LRRC3B: variants seen among roughly 807,000 people sequenced by gnomAD.
LRRC3B encodes the protein leucine rich repeat containing 3B.
Under a neutral mutation model 12.8 loss-of-function variants are expected in LRRC3B, and 2 were observed. The observed-to-expected ratio is 0.16, with a 90% CI of 0.06 to 0.49. The LOEUF is 0.49. Ranked by LOEUF, LRRC3B falls within the 20% of genes least tolerant of loss-of-function variation. LRRC3B has a pLI of 0.96. For missense variants in LRRC3B, 189 were observed against 319.4 expected, an observed-to-expected ratio of 0.59 and a Z score of 3.11; for synonymous variants, 132 against 122.0, an observed-to-expected ratio of 1.08 and a Z score of -0.54.
intron 1 of LRRC3B, among the ~76,000 whole-genome samples, chr3:26,630,500 C>T (rs1698734019): frequency 6.6e-6 from 1 of 152,114 alleles, no homozygotes; most frequent in Non-Finnish European, 1.5e-5. Flanking sequence ...ATAACAAGAT[C>T]TTGTAGTGGG....
chr3:26,633,260 G>T (rs1263754456), intron 1 of LRRC3B, among the ~76,000 whole-genome samples: 1 of 151,972 alleles, frequency 6.6e-6, no homozygotes, highest in Admixed American at 6.6e-5. Context: ...GTTCTAATTA[G>T]TCGGCCATTT....
chr3:26,709,493 T>G lies in LRRC3B; in HGVS notation c.-160-20T>G. ...TCCCTTTGCAAAGGAACTAATTGCA[T>G]CTGTTTCTCTTTCCTTTAGGTGCCC... On this transcript the variant is annotated intron_variant, in intron 1 of 1. Transcript: ENST00000396641. 1 of 630,006 alleles carries G rather than the reference T, an allele frequency of 1.6e-6. No individual in the cohort carries two copies. The highest frequency in any genetic ancestry group is 2.0e-5 in the South Asian group (1 of 49,630). The allele number at this position is 630,006 out of a possible 1,614,324, so 39.0% of individuals were successfully genotyped here. A position where few individuals can be genotyped will look rare whatever the true frequency, so the allele number is the denominator to read the frequency against.
intron 1 of LRRC3B, among the ~76,000 whole-genome samples, chr3:26,649,875 A>G (rs1027940788): frequency 1.3e-5 from 2 of 152,074 alleles, no homozygotes; most frequent in Admixed American, 1.3e-4. Context: ...TCACTTCTTA[A>G]CACACTTTCC....
Position 26,656,627 on chromosome 3 carries a change from G to C in LRRC3B, c.-161+33390G>C, listed in dbSNP as rs568098136. Among the ~76,000 whole-genome samples the C allele has an allele frequency of 2.2e-4, 34 of 152,276 alleles. 1 individual carries two copies. In the South Asian group the frequency reaches 7.0e-3, roughly 32 times the overall value. ...GAGGCAGTGGAATGTTGTCAAGCCAGGTATCCAAGAAGAAATGAATTTTAG... is the reference window on the plus strand; with the variant it reads ...GAGGCAGTGGAATGTTGTCAAGCCACGTATCCAAGAAGAAATGAATTTTAG... On this transcript the variant is annotated intron_variant, in intron 1 of 1. Transcript: ENST00000396641.
intron 1 of LRRC3B, among the ~76,000 whole-genome samples, chr3:26,675,265 T>G (rs1043661895): frequency 6.6e-6 from 1 of 152,194 alleles, no homozygotes; most frequent in African/African-American, 2.4e-5. Context: ...TAAAATCAAG[T>G]CTGCATGTCT....
intron 1 of LRRC3B, among the ~76,000 whole-genome samples, chr3:26,673,334 CTT>C (rs1699791968): frequency 6.6e-6 from 1 of 152,054 alleles, no homozygotes. Context: ...TTTAGATACA[CTT>C]TGTGTGAGAT....
intron 1 of LRRC3B, among the ~76,000 whole-genome samples, chr3:26,663,695 G>A (rs543106565): frequency 6.6e-6 from 1 of 152,202 alleles, no homozygotes; most frequent in African/African-American, 2.4e-5. Flanking sequence ...CTCTGAACTG[G>A]CAACATGGAA....
intron 1 of LRRC3B, among the ~76,000 whole-genome samples, chr3:26,655,824 G>A (rs564813733): frequency 4.6e-5 from 7 of 152,102 alleles, no homozygotes; most frequent in African/African-American, 1.7e-4. Flanking sequence ...ACTGGGCCAA[G>A]GTCTGTGCCA....
chr3:26,672,139 A>AATT (rs1199700410), intron 1 of LRRC3B, among the ~76,000 whole-genome samples: 4 of 152,214 alleles, frequency 2.6e-5, no homozygotes, highest in Non-Finnish European at 4.4e-5. Flanking sequence ...TTTATGTTTT[A>AATT]ATTAACAGAG....
intron 1 of LRRC3B, among the ~76,000 whole-genome samples, chr3:26,628,193 A>C (rs1266135846): frequency 6.6e-6 from 1 of 152,222 alleles, no homozygotes; most frequent in African/African-American, 2.4e-5. Context: ...TTAGAATAAC[A>C]ATTATTATTA....
chr3:26,645,784 G>A (rs183155972), intron 1 of LRRC3B, among the ~76,000 whole-genome samples: 11 of 151,942 alleles, frequency 7.2e-5, no homozygotes, highest in Non-Finnish European at 1.5e-4. Context: ...AAATTATGAG[G>A]GTATCATGTC....
At chr3:26,649,198 G>C (rs1344212563) in intron 1 of LRRC3B, among the ~76,000 whole-genome samples, 1 of 152,156 alleles carries the variant, frequency 6.6e-6, no homozygotes, top group Non-Finnish European at 1.5e-5. Context: ...TTAAGGCCAG[G>C]CTGTCCCAAG....
At chr3:26,681,670 T>G (rs1335346240) in intron 1 of LRRC3B, among the ~76,000 whole-genome samples, 2 of 152,348 alleles carry the variant, frequency 1.3e-5, no homozygotes, top group African/African-American at 4.8e-5. Context: ...CGAATAAATG[T>G]CAGCCACTAC....
chr3:26,658,413 C>G (rs897335695), intron 1 of LRRC3B, among the ~76,000 whole-genome samples: 1 of 152,162 alleles, frequency 6.6e-6, no homozygotes, highest in African/African-American at 2.4e-5. Flanking sequence ...AGAGAGATAG[C>G]CCAATGCTTC....
At chr3:26,636,365 G>T (rs941162191) in intron 1 of LRRC3B, among the ~76,000 whole-genome samples, 4 of 152,120 alleles carry the variant, frequency 2.6e-5, no homozygotes, top group African/African-American at 7.2e-5. Context: ...ATGCTTTCTT[G>T]TTGCTCTTAG....
chr3:26,670,218 A>G (rs1354066578), intron 1 of LRRC3B, among the ~76,000 whole-genome samples: 2 of 152,212 alleles, frequency 1.3e-5, no homozygotes, highest in Non-Finnish European at 2.9e-5. Context: ...TCAGTTTCAA[A>G]GAGAAGTCAT....
chr3:26,648,327 G>T (rs1256456126), intron 1 of LRRC3B, among the ~76,000 whole-genome samples: 1 of 152,064 alleles, frequency 6.6e-6, no homozygotes, highest in East Asian at 1.9e-4. Context: ...GATTGGCACT[G>T]ATTTCAGAAG....
chr3:26,636,926 CTTTCTTTCTT>C (rs1559350306), intron 1 of LRRC3B, among the ~76,000 whole-genome samples: 16 of 81,638 alleles, frequency 2.0e-4, no homozygotes, highest in African/African-American at 6.0e-4. Context: ...CTCTTTCTTT[CTTTCTTTCTT>C]TCTTTCTTTC....
chr3:26,638,398 T>C (rs951521329), intron 1 of LRRC3B, among the ~76,000 whole-genome samples: 1 of 152,116 alleles, frequency 6.6e-6, no homozygotes, highest in African/African-American at 2.4e-5. Flanking sequence ...CAAATTTCAA[T>C]TAAGGGTCAA....
Sources: allele counts gnomAD v4.1 joint callset (sites outside exome capture counted in the v4.1 genomes callset), GRCh38; gene constraint gnomAD v4.1.1; transcripts MANE v1.5; gene names NCBI Gene and HGNC (gene_info 2026-07-23, HGNC 2026-07-21).